The following LRRC38 variants were observed in gnomAD, a reference collection of about 807,000 sequenced individuals.
LRRC38 encodes the protein leucine rich repeat containing 38.
LRRC38 carries 5 observed loss-of-function variants against 16.4 expected under a neutral mutation model. That is an observed-to-expected ratio of 0.31 (90% CI 0.16 to 0.64). The LOEUF is 0.64. Ranked by LOEUF, LRRC38 falls within the 30% of genes least tolerant of loss-of-function variation. The probability of loss-of-function intolerance (pLI) is 0.80; values close to 1 mark genes in which losing one functional copy is unlikely to be tolerated. For missense variants in LRRC38, 341 were observed against 401.8 expected, an observed-to-expected ratio of 0.85 and a Z score of 1.29; for synonymous variants, 191 against 190.2, an observed-to-expected ratio of 1.00 and a Z score of -0.04.
At chr1:13,511,951 G>A (rs1557507029) in intron 1 of LRRC38, among the ~76,000 whole-genome samples, 2 of 151,428 alleles carry the variant, frequency 1.3e-5, no homozygotes, top group Non-Finnish European at 2.9e-5. Context: ...TCCGTAAATG[G>A]AAAAAAAAAT....
chr1:13,513,628 A>G lies in LRRC38; in HGVS notation c.-35T>C, dbSNP rs919477680. ...GCCCGCGCCGGCCGCGGCGAGAAGG[A>G]AGCGGCTCTCGGAGCGAGCCCTGGC... On this transcript the variant is annotated 5_prime_UTR_variant, in exon 1 of 2. Coordinates refer to ENST00000376085, the MANE Select transcript of LRRC38 (RefSeq NM_001010847.2). The G allele has an allele frequency of 5.4e-5, 57 of 1,052,574 alleles. No individual in the cohort carries two copies. The highest frequency in any genetic ancestry group is 6.3e-5 in the Non-Finnish European group (55 of 875,460). The allele number at this position is 1,052,574 out of a possible 1,614,324, so 65.2% of individuals were successfully genotyped here.
At chr1:13,507,584 C>G (rs1211786650) in intron 1 of LRRC38, among the ~76,000 whole-genome samples, 3 of 152,226 alleles carry the variant, frequency 2.0e-5, no homozygotes, top group African/African-American at 7.2e-5. Flanking sequence ...GTAATCCCAG[C>G]ACTTTGCCAG....
At chr1:13,511,156 A>G (rs1361893499) in intron 1 of LRRC38, among the ~76,000 whole-genome samples, 1 of 152,090 alleles carries the variant, frequency 6.6e-6, no homozygotes, top group Non-Finnish European at 1.5e-5. Context: ...TCTTCCCCAC[A>G]TCACAGACAG....
Position 13,513,388 on chromosome 1 carries a change from T to C in LRRC38, c.206A>G (p.Gln69Arg), listed in dbSNP as rs1408121622. 1 of 1,550,558 alleles carries C rather than the reference T, an allele frequency of 6.4e-7. No homozygotes were observed. Among genetic ancestry groups the C allele is most frequent in the South Asian group, 1.2e-5 (1 of 84,064 alleles). Residue 69 changes from glutamine (Q) to arginine (R), a missense_variant, in exon 1 of 2, where the codon CAG (glutamine) becomes CGG (arginine). By Grantham distance (43) the Gln-to-Arg change is conservative. Transcript: ENST00000376085. The part of the protein sequence containing the change: ...RKLLVAGNRI[Q>R]RIPEDFFIFY... ...GATGAAGAAGTCCTCGGGGATCCGCTGGATGCGGTTGCCGGCCACCAGCAG... is the reference window on the plus strand; with the variant it reads ...GATGAAGAAGTCCTCGGGGATCCGCCGGATGCGGTTGCCGGCCACCAGCAG...
At chr1:13,495,801 C>T (rs754104942) in intron 1 of LRRC38, among the ~76,000 whole-genome samples, 3 of 152,070 alleles carry the variant, frequency 2.0e-5, no homozygotes, top group Admixed American at 6.6e-5. Flanking sequence ...TATGGTACAT[C>T]GAATTCCGTT....
intron 1 of LRRC38, among the ~76,000 whole-genome samples, chr1:13,508,329 AT>A (rs1180577970): frequency 2.9e-4 from 44 of 152,364 alleles, no homozygotes; most frequent in African/African-American, 1.0e-3. Context: ...GTGTAAGGAT[AT>A]TCGGCTCAGC....
intron 1 of LRRC38, among the ~76,000 whole-genome samples, chr1:13,498,221 C>T (rs187792412): frequency 6.7e-6 from 1 of 148,274 alleles, no homozygotes; most frequent in East Asian, 2.0e-4. Flanking sequence ...AGAGACGACC[C>T]CCAACCAAAA....
chr1:13,512,934 C>CCCA, intron 1 of LRRC38, 29 bp downstream of exon 1: 3 of 1,480,104 alleles, frequency 2.0e-6, no homozygotes, highest in Non-Finnish European at 2.7e-6. Flanking sequence ...CCCCTCCCTC[C>CCCA]CTCCCCCAGC....
chr1:13,495,134 GCA>G (rs964010386), intron 1 of LRRC38, among the ~76,000 whole-genome samples: 1 of 152,206 alleles, frequency 6.6e-6, no homozygotes, highest in Non-Finnish European at 1.5e-5. Context: ...TCTCTCTGGA[GCA>G]CAGAGCAGAA....
chr1:13,482,581 G>GAA (rs79709070), intron 1 of LRRC38, among the ~76,000 whole-genome samples: 92 of 128,292 alleles, frequency 7.2e-4, no homozygotes, highest in Middle Eastern at 3.9e-3. Context: ...CTCCATCTCG[G>GAA]AAAAAAAAAA....
chr1:13,502,033 T>G (rs901285069), intron 1 of LRRC38, among the ~76,000 whole-genome samples: 4 of 152,012 alleles, frequency 2.6e-5, no homozygotes, highest in Non-Finnish European at 5.9e-5. Context: ...GTTCATGCCA[T>G]TCTGCTGCCT....
In LRRC38 at chr1:13,503,956, G is replaced by A. The variant is rs140169664; in HGVS notation, c.631+9007C>T. On this transcript the variant is annotated intron_variant, in intron 1 of 1. Coordinates refer to ENST00000376085, the MANE Select transcript of LRRC38 (RefSeq NM_001010847.2). ...GGACTCTTAATTGGCAGCCTCCGAC[G>A]TGCAAGAGCCGGCCAAGAGCCGCTG... Among the ~76,000 whole-genome samples the A allele has an allele frequency of 3.2e-3, 492 of 152,308 alleles. 2 individuals carry two copies. The highest frequency in any genetic ancestry group is 0.012 in the African/African-American group (481 of 41,574).
intron 1 of LRRC38, among the ~76,000 whole-genome samples, chr1:13,506,319 C>T (rs1217300656): frequency 6.6e-6 from 1 of 152,114 alleles, no homozygotes; most frequent in African/African-American, 2.4e-5. Flanking sequence ...TTCCCGGGAC[C>T]GAAAGGGATG....
chr1:13,482,057 T>G (rs1177189880), intron 1 of LRRC38, among the ~76,000 whole-genome samples: 5 of 152,140 alleles, frequency 3.3e-5, no homozygotes, highest in Non-Finnish European at 7.4e-5. Flanking sequence ...AAATAGACAT[T>G]TAGTTATTAA....
intron 1 of LRRC38, among the ~76,000 whole-genome samples, chr1:13,499,746 G>A (rs1352045692): frequency 6.6e-6 from 1 of 152,200 alleles, no homozygotes; most frequent in African/African-American, 2.4e-5. Context: ...TTAGTTACAT[G>A]AGGCAGAGAG....
chr1:13,504,796 G>T, intron 1 of LRRC38, among the ~76,000 whole-genome samples: 1 of 139,582 alleles, frequency 7.2e-6, no homozygotes, highest in East Asian at 2.2e-4. Flanking sequence ...AAAGAAAGAA[G>T]AGACAGAGAG....
At chr1:13,505,441 G>A (rs771926675) in intron 1 of LRRC38, among the ~76,000 whole-genome samples, 111 of 152,166 alleles carry the variant, frequency 7.3e-4, no homozygotes, top group Admixed American at 1.8e-3. Context: ...CCACCGAGGG[G>A]TATTTGCTGA....
At position 13,513,095 on chromosome 1, in the gene LRRC38, G is replaced by T; in HGVS notation, c.499C>A (p.Leu167Ile). The change falls in exon 1 of 2, where the codon CTC becomes ATC. Residue 167 changes from leucine (L) to isoleucine (I), a missense_variant. Leu to Ile is a conservative substitution (Grantham distance 5). Coordinates refer to ENST00000376085, the MANE Select transcript of LRRC38 (RefSeq NM_001010847.2). Reference protein sequence around the residue: ...LELNDNNLRSLSVAALAALPA... With the variant: ...LELNDNNLRSISVAALAALPA... ...AGCGCGGCCAGGGCGGCCACGCTGA[G>T]GCTGCGCAGGTTGTTGTCGTTGAGC... The T allele has an allele frequency of 6.5e-7, 1 of 1,550,348 alleles. No individual in the cohort carries two copies. The highest frequency in any genetic ancestry group is 8.7e-7 in the Non-Finnish European group (1 of 1,146,864).
rs556326279 is a variant in LRRC38, at chr1:13,487,244, G to A, written c.632-11145C>T. Among the ~76,000 whole-genome samples, 6 of 152,184 alleles carry A rather than the reference G, an allele frequency of 3.9e-5. No individual in the cohort carries two copies. Among genetic ancestry groups the A allele is most frequent in the Non-Finnish European group, 5.9e-5 (4 of 68,038 alleles). On this transcript the variant is annotated intron_variant, in intron 1 of 1. Coordinates refer to ENST00000376085, the MANE Select transcript of LRRC38 (RefSeq NM_001010847.2). The surrounding 1 kb of genome is among the most constrained non-coding windows in gnomAD (Gnocchi z 4.4). ...CCAACCGATGGATTCTAGGACAACG[G>A]AATTCAAGAACGAATTGGGCTCCTG...
Sources: allele counts gnomAD v4.1 joint callset (sites outside exome capture counted in the v4.1 genomes callset), GRCh38; gene constraint gnomAD v4.1.1; non-coding constraint Gnocchi (gnomAD v3.1); transcripts MANE v1.5; gene names NCBI Gene and HGNC (gene_info 2026-07-23, HGNC 2026-07-21).